Variants in FAM200B observed in about 807,000 individuals in gnomAD.
FAM200B encodes protein FAM200B.
Under a neutral mutation model 33.1 loss-of-function variants are expected in FAM200B, and 32 were observed. The observed-to-expected ratio is 0.97, with a 90% CI of 0.73 to 1.30. FAM200B has a LOEUF of 1.30. Ranked by LOEUF, FAM200B falls within the 50% of genes most tolerant of loss-of-function variation. The pLI is 0.00. For synonymous variants in FAM200B, 240 were observed against 264.8 expected (o/e 0.91, Z 0.91); for missense variants, 741 against 754.0 (o/e 0.98, Z 0.20).
chr4:15,656,611 AGT>A, the FAM200B span, among the ~76,000 whole-genome samples: 2 of 152,222 alleles, frequency 1.3e-5, no homozygotes, highest in Non-Finnish European at 2.9e-5. Context: ...TATTATAGAC[AGT>A]GTGAACAGTG....
chr4:15,672,644 G>GT, the FAM200B span, among the ~76,000 whole-genome samples: 1 of 152,160 alleles, frequency 6.6e-6, no homozygotes, highest in Non-Finnish European at 1.5e-5. Context: ...GTTGTTCTGG[G>GT]TAAGTCAGTG....
chr4:15,638,743 T>G, the FAM200B span: 1 of 1,198,470 alleles, frequency 8.3e-7, no homozygotes, highest in Non-Finnish European at 1.2e-6. Flanking sequence ...TTCGTGTTGA[T>G]TTACTCTAAA....
At chr4:15,681,779 T>G (rs1418146942), upstream of FAM200B, 2 of 152,718 alleles carry the variant, frequency 1.3e-5, no homozygotes, top group African/African-American at 4.8e-5. Context: ...ATGGGGAATT[T>G]GTGAGGTAGG....
At position 15,688,546 on chromosome 4, in the gene FAM200B, T is replaced by C. The variant is rs765465561; in HGVS notation, c.1569T>C (p.Phe523=). The change falls in exon 2 of 2, where the codon TTT becomes TTC. Residue 523 remains phenylalanine (F), a synonymous_variant. Coordinates refer to ENST00000422728, the MANE Select transcript of FAM200B (RefSeq NM_001145191.2). ...TSLSQTFNHF[F]PEEKFETLRE... is the part of the protein sequence containing the mutation. Reference sequence around the variant, plus strand: ...TGTCTCAAACTTTTAACCATTTCTTTCCAGAAGAAAAATTTGAAACATTAA... The same window carrying C: ...TGTCTCAAACTTTTAACCATTTCTTCCCAGAAGAAAAATTTGAAACATTAA... 6.5e-7 allele frequency: 1 copy of C among 1,549,248 alleles called. No homozygotes were observed. The highest frequency in any genetic ancestry group is 8.7e-7 in the Non-Finnish European group (1 of 1,145,290).
chr4:15,639,272 A>G, the FAM200B span, among the ~76,000 whole-genome samples: 1 of 152,208 alleles, frequency 6.6e-6, no homozygotes, highest in Non-Finnish European at 1.5e-5. Context: ...TTCCCTTTAT[A>G]GAATTTGTCA....
At chr4:15,655,300 AGCCTCCGCCTCAGCAGCCGCGGCCGCC>A in the FAM200B span, 6 of 1,395,112 alleles carry the variant, frequency 4.3e-6, no homozygotes, top group Non-Finnish European at 5.7e-6. Context: ...CCACTGCCTC[AGCCTCCGCCTCAGCAGCCGCGGCCGCC>A]GCCTCTCCAT....
chr4:15,647,668 TAAAG>T, the FAM200B span, among the ~76,000 whole-genome samples: 1 of 152,218 alleles, frequency 6.6e-6, no homozygotes, highest in African/African-American at 2.4e-5. Context: ...AGTAACTATA[TAAAG>T]AGACTCTAAA....
the FAM200B span, among the ~76,000 whole-genome samples, chr4:15,638,852 A>G: frequency 1.3e-5 from 2 of 152,226 alleles, no homozygotes; most frequent in South Asian, 4.1e-4. Context: ...TTATCTAAAA[A>G]TTGCAGAGAA....
the FAM200B span, among the ~76,000 whole-genome samples, chr4:15,668,678 A>G: frequency 6.6e-6 from 1 of 152,214 alleles, no homozygotes; most frequent in African/African-American, 2.4e-5. Flanking sequence ...AAATTAAAAA[A>G]GCTATTTGGA....
At chr4:15,670,751 A>G in the FAM200B span, among the ~76,000 whole-genome samples, 3 of 151,790 alleles carry the variant, frequency 2.0e-5, no homozygotes, top group Non-Finnish European at 4.4e-5. Flanking sequence ...GTAAAATAGC[A>G]GCTTGCAGAC....
the FAM200B span, chr4:15,655,524 C>T: frequency 3.1e-6 from 1 of 325,882 alleles, no homozygotes; most frequent in South Asian, 1.2e-4. Context: ...CGCCCCCACT[C>T]TTTTCGTTTT....
At chr4:15,654,656 G>C in the FAM200B span, among the ~76,000 whole-genome samples, 1 of 152,226 alleles carries the variant, frequency 6.6e-6, no homozygotes, top group Admixed American at 6.5e-5. Context: ...AGAAAGCCGG[G>C]GGTAAAAGGA....
In FAM200B at chr4:15,690,289, A is replaced by T. The variant is rs887184064; in HGVS notation, c.*1338A>T. On this transcript the variant is annotated 3_prime_UTR_variant, in exon 2 of 2. Coordinates refer to ENST00000422728, the MANE Select transcript of FAM200B (RefSeq NM_001145191.2). ...CTCCCTTATCCCACTGGGTGATATT[A>T]TTTGGCATGGTCATTGTCATTAAAA... 3.6e-5 allele frequency: 6 copies of T among 167,008 alleles called. No individual in the cohort carries two copies. Among genetic ancestry groups the T allele is most frequent in the Non-Finnish European group, 4.4e-5 (3 of 68,112 alleles). The allele number at this position is 167,008 out of a possible 1,614,324, so 10.3% of individuals were successfully genotyped here.
At chr4:15,656,197 C>G in the FAM200B span, 1 of 456,064 alleles carries the variant, frequency 2.2e-6, no homozygotes, top group East Asian at 6.9e-5. Context: ...CCATTTTAAG[C>G]GGAGGTTCGG....
chr4:15,655,942 C>T, the FAM200B span, among the ~76,000 whole-genome samples: 1 of 152,224 alleles, frequency 6.6e-6, no homozygotes, highest in Non-Finnish European at 1.5e-5. Flanking sequence ...GCTTCGGTCC[C>T]GGGCGGCAGC....
chr4:15,655,410 G>T, the FAM200B span: 2 of 1,006,988 alleles, frequency 2.0e-6, no homozygotes, highest in South Asian at 4.7e-5. Context: ...GCGCGCGCCC[G>T]GTCGGCTTGG....
the FAM200B span, among the ~76,000 whole-genome samples, chr4:15,667,967 G>A: frequency 4.1e-4 from 63 of 151,976 alleles, 1 homozygote; most frequent in African/African-American, 1.4e-3. Flanking sequence ...CTTGAACTCG[G>A]GAGGTGGAGG....
chr4:15,647,116 G>A, the FAM200B span, among the ~76,000 whole-genome samples: 18 of 150,236 alleles, frequency 1.2e-4, 1 homozygote, highest in South Asian at 6.3e-4. Context: ...CCAGCTACTC[G>A]GGAGGCTGAG....
the FAM200B span, among the ~76,000 whole-genome samples, chr4:15,668,011 A>C: frequency 6.6e-6 from 1 of 151,298 alleles, no homozygotes; most frequent in Non-Finnish European, 1.5e-5. Context: ...ATTGCACTCC[A>C]GCCTGGGCAA....
Sources: allele counts gnomAD v4.1 joint callset (sites outside exome capture counted in the v4.1 genomes callset), GRCh38; gene constraint gnomAD v4.1.1; transcripts MANE v1.5; gene names NCBI Gene and HGNC (gene_info 2026-07-23, HGNC 2026-07-21).